Variants in RBBP8 observed in about 807,000 individuals in gnomAD.
The protein encoded by RBBP8 is RB binding protein 8, endonuclease, also known as DNA endonuclease RBBP8.
In RBBP8, 88 loss-of-function variants were observed where a neutral mutation model predicts 108.3. The observed-to-expected ratio is 0.81, with a 90% CI of 0.68 to 0.97. The LOEUF (loss-of-function observed/expected upper bound fraction) is 0.97. Ranked by LOEUF, RBBP8 falls within the 50% of genes least tolerant of loss-of-function variation. The pLI is 0.00. For synonymous variants in RBBP8, 332 were observed against 348.2 expected (o/e 0.95, Z 0.52); for missense variants, 1,023 against 1,049.0 (o/e 0.98, Z 0.34).
intron 5 of RBBP8, among the ~76,000 whole-genome samples, chr18:22,972,516 C>A (rs1914186573): frequency 6.6e-6 from 1 of 150,864 alleles, no homozygotes; most frequent in South Asian, 2.1e-4. Context: ...TGGGTTCAAG[C>A]AATTCTCCTG....
intron 7 of RBBP8, 100 bp downstream of exon 7, chr18:22,982,493 A>T (rs1915005224): frequency 6.3e-7 from 1 of 1,584,644 alleles, no homozygotes; most frequent in African/African-American, 1.3e-5. Context: ...GATAGTCACT[A>T]TTCTGGTATC....
intron 3 of RBBP8, among the ~76,000 whole-genome samples, chr18:22,948,054 CCTT>C (rs1197385733): frequency 2.0e-5 from 3 of 151,976 alleles, no homozygotes; most frequent in South Asian, 2.1e-4. Flanking sequence ...ACTTTTCACT[CCTT>C]AAGAGTGAAA....
In RBBP8 at chr18:23,006,428, G is replaced by A. The variant is rs750859244; in HGVS notation, c.2353G>A (p.Glu785Lys). The A allele has an allele frequency of 1.9e-6, 3 of 1,611,950 alleles. No homozygotes were observed. The highest frequency in any genetic ancestry group is 2.5e-6 in the Non-Finnish European group (3 of 1,178,184). Reference protein sequence around the residue: ...AFVEPYFKGDERETSLQNFPH... With the variant: ...AFVEPYFKGDKRETSLQNFPH... ...TGTGGAGCCGTATTTTAAAGGTGAT[G>A]AAAGGTAAGTTGGTTTTTATTTATA... The change falls in exon 16 of 19, where the codon GAA becomes AAA. Residue 785 changes from glutamate to lysine, a missense_variant. Glu to Lys is a moderately conservative substitution (Grantham distance 56). Coordinates refer to ENST00000327155, the MANE Select transcript of RBBP8 (RefSeq NM_002894.3).
At chr18:22,922,118 G>C (rs73396864) in intron 3 of RBBP8, among the ~76,000 whole-genome samples, 6 of 152,122 alleles carry the variant, frequency 3.9e-5, no homozygotes, top group Non-Finnish European at 5.9e-5. Flanking sequence ...TAGTCAAGCA[G>C]ATTAAAAATT....
intron 2 of RBBP8, among the ~76,000 whole-genome samples, chr18:22,915,748 G>A (rs531644513): frequency 6.6e-5 from 10 of 152,080 alleles, no homozygotes; most frequent in African/African-American, 1.2e-4. Flanking sequence ...AAACCACACC[G>A]TGTTTAAAAC....
intron 5 of RBBP8, among the ~76,000 whole-genome samples, chr18:22,973,492 A>G (rs1393599033): frequency 6.6e-6 from 1 of 152,168 alleles, no homozygotes; most frequent in Admixed American, 6.5e-5. Flanking sequence ...CAGTTCTTCT[A>G]CTGGTCTTTA....
intron 14 of RBBP8, 89 bp downstream of exon 14, chr18:22,997,823 T>A (rs988449233): frequency 5.5e-6 from 5 of 903,486 alleles, no homozygotes; most frequent in Non-Finnish European, 9.0e-6. Context: ...TCAAGTGACC[T>A]CTTCACCATA....
chr18:22,931,779 CA>C (rs1384536454), upstream of RBBP8, among the ~76,000 whole-genome samples: 1 of 152,190 alleles, frequency 6.6e-6, no homozygotes, highest in East Asian at 1.9e-4. Context: ...GATTTAAACC[CA>C]GATGTCTGAC....
intron 12 of RBBP8, 75 bp from the exon 13 acceptor site, chr18:22,996,299 G>T: frequency 4.4e-6 from 7 of 1,580,516 alleles, no homozygotes; most frequent in Non-Finnish European, 5.2e-6. Context: ...TATTCTTTAG[G>T]TCCCATAATA....
intron 3 of RBBP8, chr18:22,920,641 C>T (rs149473168): frequency 1.3e-5 from 2 of 152,104 alleles, no homozygotes; most frequent in East Asian, 1.9e-4. Flanking sequence ...CAATGACTCT[C>T]GAAACATTAA....
intron 12 of RBBP8, among the ~76,000 whole-genome samples, chr18:22,995,859 C>T (rs1211804993): frequency 1.3e-5 from 2 of 152,244 alleles, no homozygotes; most frequent in East Asian, 3.9e-4. Context: ...CATTTGTATA[C>T]AGGTTTTTGT....
At chr18:22,955,824 C>T (rs1912482586) in intron 4 of RBBP8, among the ~76,000 whole-genome samples, 1 of 152,164 alleles carries the variant, frequency 6.6e-6, no homozygotes, top group Admixed American at 6.5e-5. Context: ...TCGTGATCTG[C>T]CCACCTGGGC....
upstream of RBBP8, among the ~76,000 whole-genome samples, chr18:22,932,438 A>G (rs888316547): frequency 5.9e-5 from 9 of 152,222 alleles, no homozygotes; most frequent in African/African-American, 1.4e-4. Flanking sequence ...TAGAAGGTTT[A>G]GCACCCCTCT....
upstream of RBBP8, chr18:22,929,550 GTA>G (rs200953821): frequency 0.058 from 6,550 of 113,134 alleles, 456 homozygotes; most frequent in African/African-American, 0.11. Context: ...GTGTGTGTGT[GTA>G]TGTGTGTGTG....
rs1189953449 is a variant in RBBP8, at chr18:22,997,611, T to C, written c.2029-9T>C. On this transcript the variant is annotated splice_polypyrimidine_tract_variant and intron_variant, in intron 13 of 18. Coordinates refer to ENST00000327155, the MANE Select transcript of RBBP8 (RefSeq NM_002894.3). ...GTTAAAATTTTTGATTTTTAAAATA[T>C]TTATTTAGGATGGCAGTCAGTCAAA... 13 of 1,536,096 alleles carry C rather than the reference T, an allele frequency of 8.5e-6. 1 individual carries two copies. In the East Asian group the frequency reaches 1.7e-4, roughly 20 times the overall value.
At chr18:23,022,640 ATAAAATACAAT>A (rs375745653) in intron 18 of RBBP8, among the ~76,000 whole-genome samples, 118 of 74,036 alleles carry the variant, frequency 1.6e-3, no homozygotes, top group Non-Finnish European at 2.0e-3. Context: ...AATAAAATAA[ATAAAATACAAT>A]ATAAAATAAA....
chr18:22,955,682 A>G (rs890173247), intron 4 of RBBP8, among the ~76,000 whole-genome samples: 10 of 149,892 alleles, frequency 6.7e-5, no homozygotes, highest in African/African-American at 2.5e-4. Context: ...GGTTCACGCC[A>G]TTCTCCTGCC....
intron 15 of RBBP8, among the ~76,000 whole-genome samples, chr18:23,002,181 A>G (rs2045960206): frequency 6.6e-6 from 1 of 152,202 alleles, no homozygotes; most frequent in South Asian, 2.1e-4. Flanking sequence ...TTGGAAGGCC[A>G]AGGCAGACAG....
At chr18:23,000,895 T>G (rs1455682918) in intron 14 of RBBP8, among the ~76,000 whole-genome samples, 7 of 152,192 alleles carry the variant, frequency 4.6e-5, no homozygotes, top group Admixed American at 3.3e-4. Context: ...ATTTAAGAAG[T>G]GTCTTTAAAC....
Sources: gnomAD v4.1 joint callset for allele counts (sites outside exome capture counted in the v4.1 genomes callset) on GRCh38, gnomAD v4.1.1 for gene constraint, MANE v1.5 for transcripts, NCBI Gene and HGNC (gene_info 2026-07-23, HGNC 2026-07-21) for gene names.